Variants in PCM1 observed in about 807,000 individuals in gnomAD.
PCM1 encodes pericentriolar material 1.
PCM1 carries 157 observed loss-of-function variants against 241.9 expected under a neutral mutation model. The ratio of observed to expected loss-of-function variants is 0.65; its 90% confidence interval spans 0.57 to 0.74. The LOEUF (loss-of-function observed/expected upper bound fraction) is 0.74. Among genes scored for constraint, PCM1 ranks in the 30% least tolerant of loss-of-function variants. PCM1 has a pLI of 0.00. For synonymous variants in PCM1, 1,085 were observed against 784.9 expected, an observed-to-expected ratio of 1.38 and a Z score of -6.39; for missense variants, 3,478 against 2,360.1, an observed-to-expected ratio of 1.47 and a Z score of -9.81.
intron 8 of PCM1, among the ~76,000 whole-genome samples, chr8:17,952,138 G>A (rs959758035): frequency 8.5e-5 from 13 of 152,072 alleles, no homozygotes; most frequent in East Asian, 5.8e-4. Flanking sequence ...CAGGAGAATC[G>A]CTTGAACCCA....
chr8:18,024,995 A>T (rs1237623285), intron 36 of PCM1: 1 of 162,890 alleles, frequency 6.1e-6, no homozygotes, highest in Non-Finnish European at 1.3e-5. Flanking sequence ...GATACACTGA[A>T]AAGTTTGTAA....
chr8:17,947,550 A>T (rs1482547050), intron 7 of PCM1, among the ~76,000 whole-genome samples, 187 bp downstream of exon 7: 1 of 152,222 alleles, frequency 6.6e-6, no homozygotes, highest in Non-Finnish European at 1.5e-5. Context: ...ACAACTGGCC[A>T]TCATACTATA....
intron 13 of PCM1, among the ~76,000 whole-genome samples, chr8:17,959,598 G>A (rs2070647285): frequency 1.6e-5 from 1 of 61,540 alleles, no homozygotes; most frequent in Admixed American, 1.3e-4. Flanking sequence ...TTTTCTATAT[G>A]TATTTCCGTA....
chr8:17,973,951 A>T (rs1254481746), intron 23 of PCM1, among the ~76,000 whole-genome samples: 1 of 152,202 alleles, frequency 6.6e-6, no homozygotes, highest in Non-Finnish European at 1.5e-5. Context: ...TGAAAACCAC[A>T]GATACAAGAG....
chr8:17,972,555 A>G lies in PCM1; in HGVS notation c.3811A>G (p.Thr1271Ala), dbSNP rs1448499273. The G allele has an allele frequency of 1.4e-5, 23 of 1,613,730 alleles. No homozygotes were observed. Among genetic ancestry groups the G allele is most frequent in the Non-Finnish European group, 1.9e-5 (22 of 1,179,776 alleles). Residue 1271 changes from threonine to alanine, a missense_variant, in exon 23 of 39, where the codon ACA becomes GCA. Transcript: ENST00000325083. ...CAGTATGCCTGATCCAGTAGATCCAACAACAGTGACTAAAACATTCAAGAC... is the reference window on the plus strand; with the variant it reads ...CAGTATGCCTGATCCAGTAGATCCAGCAACAGTGACTAAAACATTCAAGAC... ...FSSMPDPVDP[T>A]TVTKTFKTRK...
chr8:18,000,837 G>A (rs989399826), intron 29 of PCM1, among the ~76,000 whole-genome samples: 3 of 152,172 alleles, frequency 2.0e-5, no homozygotes, highest in African/African-American at 7.2e-5. Flanking sequence ...TGACCACGCT[G>A]ACCTCAAGTG....
chr8:17,937,917 A>G (rs1482909979), intron 4 of PCM1, among the ~76,000 whole-genome samples: 5 of 152,168 alleles, frequency 3.3e-5, no homozygotes, highest in African/African-American at 1.2e-4. Context: ...CAAGTCTGAT[A>G]ATGATGTTGG....
chr8:17,963,185 C>T lies in PCM1; in HGVS notation c.2548C>T (p.His850Tyr), dbSNP rs772092685. Reference protein sequence around the residue: ...RKQLEALMAEHQRRQGLAETA... With the variant: ...RKQLEALMAEYQRRQGLAETA... ...GCAGCTTGAAGCTCTGATGGCTGAA[C>T]ATCAGAGGAGGCAAGGTCTAGCTGA... Residue 850 changes from histidine (H) to tyrosine (Y), a missense_variant, in exon 17 of 39, where the codon CAT becomes TAT. By Grantham distance (83) the His-to-Tyr change is moderately conservative. Coordinates refer to ENST00000325083, the MANE Select transcript of PCM1 (RefSeq NM_006197.4). 1.2e-6 allele frequency: 2 copies of T among 1,613,626 alleles called. No homozygotes were observed. Among genetic ancestry groups the T allele is most frequent in the Non-Finnish European group, 1.7e-6 (2 of 1,179,638 alleles).
At chr8:17,965,333 C>T (rs1168384718) in intron 18 of PCM1, among the ~76,000 whole-genome samples, 1 of 152,130 alleles carries the variant, frequency 6.6e-6, no homozygotes, top group Non-Finnish European at 1.5e-5. Flanking sequence ...GGTGATTGTT[C>T]TCATTAGCAA....
intron 21 of PCM1, among the ~76,000 whole-genome samples, chr8:17,967,711 AC>A: frequency 6.6e-6 from 1 of 152,336 alleles, no homozygotes; most frequent in Non-Finnish European, 1.5e-5. Flanking sequence ...AGGAAAGAGA[AC>A]CTGTTCAATG....
intron 29 of PCM1, among the ~76,000 whole-genome samples, chr8:17,998,501 T>G (rs1327261235): frequency 1.3e-5 from 2 of 152,170 alleles, no homozygotes; most frequent in African/African-American, 4.8e-5. Context: ...TTCCTTTACT[T>G]TCTTTCAAAT....
chr8:17,964,104 G>T (rs2073819924), intron 17 of PCM1, among the ~76,000 whole-genome samples: 3 of 152,130 alleles, frequency 2.0e-5, no homozygotes, highest in African/African-American at 7.2e-5. Context: ...CTAGATATAG[G>T]TGGTTATTTA....
intron 15 of PCM1, among the ~76,000 whole-genome samples, chr8:17,961,012 T>C (rs1306110787): frequency 1.3e-5 from 2 of 152,172 alleles, no homozygotes; most frequent in African/African-American, 4.8e-5. Context: ...CTGTTTATTA[T>C]GTTAAAATAT....
At chr8:17,944,966 C>T (rs114984921) in intron 6 of PCM1, among the ~76,000 whole-genome samples, 4,242 of 152,140 alleles carry the variant, frequency 0.028, 72 homozygotes, top group South Asian at 0.044. Flanking sequence ...TTAGAAAGTA[C>T]GCTTTTTTCT....
chr8:17,936,011 G>A (rs796526728), intron 3 of PCM1, among the ~76,000 whole-genome samples: 6 of 152,224 alleles, frequency 3.9e-5, no homozygotes, highest in African/African-American at 7.2e-5. Flanking sequence ...CAAGAATTAC[G>A]TTTTCACCAC....
At chr8:17,954,464 CAT>C (rs1224070908) in intron 9 of PCM1, among the ~76,000 whole-genome samples, 3 of 150,720 alleles carry the variant, frequency 2.0e-5, no homozygotes, top group African/African-American at 4.9e-5. Context: ...AACAACTTAA[CAT>C]GTGAAAGTTG....
At chr8:17,972,973 G>A (rs953858731) in intron 23 of PCM1, among the ~76,000 whole-genome samples, 5 of 151,954 alleles carry the variant, frequency 3.3e-5, no homozygotes, top group African/African-American at 1.2e-4. Context: ...AAATGCCCAC[G>A]TTTACTATTT....
chr8:17,941,529 T>G (rs2062035383), intron 6 of PCM1, among the ~76,000 whole-genome samples: 1 of 110,524 alleles, frequency 9.0e-6, no homozygotes, highest in South Asian at 2.8e-4. Context: ...GATTTTTGTT[T>G]TTTTTTTTTT....
chr8:17,924,535 T>G (rs572643518), intron 1 of PCM1, among the ~76,000 whole-genome samples, 178 bp from the exon 2 acceptor site: 62 of 152,334 alleles, frequency 4.1e-4, no homozygotes, highest in Admixed American at 7.2e-4. Flanking sequence ...TTTATGCATA[T>G]CACACTATTT....
Sources: gnomAD v4.1 joint callset for allele counts (sites outside exome capture counted in the v4.1 genomes callset) on GRCh38, gnomAD v4.1.1 for gene constraint, MANE v1.5 for transcripts, NCBI Gene and HGNC (gene_info 2026-07-23, HGNC 2026-07-21) for gene names.